TAS2R1: variants seen among roughly 807,000 people sequenced by gnomAD.
The protein encoded by TAS2R1 is taste 2 receptor member 1.
For synonymous variants in TAS2R1, 141 were observed against 134.2 expected, an observed-to-expected ratio of 1.05 and a Z score of -0.35; for missense variants, 370 against 353.4, an observed-to-expected ratio of 1.05 and a Z score of -0.38.
chr5:9,853,294 G>A, the TAS2R1 span, among the ~76,000 whole-genome samples: 1 of 152,228 alleles, frequency 6.6e-6, no homozygotes, highest in African/African-American at 2.4e-5. Flanking sequence ...GCAGAGCAGG[G>A]CTACCCTACA....
chr5:9,766,153 A>C, the TAS2R1 span, among the ~76,000 whole-genome samples: 4,580 of 152,356 alleles, frequency 0.03, 71 homozygotes, highest in African/African-American at 0.033. Context: ...ATCATCATCC[A>C]TGCAGAAAAG....
chr5:9,735,035 T>C, the TAS2R1 span, among the ~76,000 whole-genome samples: 4,114 of 151,394 alleles, frequency 0.027, 377 homozygotes, highest in African/African-American at 0.094. Context: ...TCAGGAAACT[T>C]ACAGTCGTGG....
chr5:9,713,815 T>C (rs965828234), upstream of TAS2R1: 2 of 152,180 alleles, frequency 1.3e-5, no homozygotes, highest in Admixed American at 6.5e-5. Context: ...TATGGCTAAA[T>C]GTCTGTTTCA....
chr5:9,868,410 G>A, the TAS2R1 span, among the ~76,000 whole-genome samples: 1 of 152,308 alleles, frequency 6.6e-6, no homozygotes, highest in East Asian at 1.9e-4. Flanking sequence ...GTTAAGGCTT[G>A]GGTCTGGAAC....
the TAS2R1 span, among the ~76,000 whole-genome samples, chr5:9,791,815 A>G: frequency 6.6e-6 from 1 of 152,216 alleles, no homozygotes; most frequent in Admixed American, 6.5e-5. Context: ...TCTGTTGTAC[A>G]GCCTGGGTGT....
At chr5:9,711,517 G>A (rs940468480) in intron 1 of TAS2R1, among the ~76,000 whole-genome samples, 4 of 152,158 alleles carry the variant, frequency 2.6e-5, no homozygotes, top group Middle Eastern at 3.2e-3. Context: ...GGTGGGAGGT[G>A]GAAACGGGGA....
At chr5:9,758,724 AG>A in the TAS2R1 span, among the ~76,000 whole-genome samples, 1 of 152,214 alleles carries the variant, frequency 6.6e-6, no homozygotes, top group Admixed American at 6.5e-5. Context: ...AAACTTCTAC[AG>A]CCACTTGGAA....
At chr5:9,726,130 A>T in the TAS2R1 span, among the ~76,000 whole-genome samples, 3 of 151,416 alleles carry the variant, frequency 2.0e-5, no homozygotes, top group Non-Finnish European at 4.4e-5. Flanking sequence ...AAATACACCA[A>T]TTGGCACTCT....
chr5:9,731,541 T>C, the TAS2R1 span, among the ~76,000 whole-genome samples: 1 of 152,166 alleles, frequency 6.6e-6, no homozygotes, highest in African/African-American at 2.4e-5. Context: ...CCTCCAACAT[T>C]CTACTCTCCC....
At chr5:9,705,096 G>A (rs1208465799) in intron 1 of TAS2R1, among the ~76,000 whole-genome samples, 2 of 152,114 alleles carry the variant, frequency 1.3e-5, no homozygotes, top group Admixed American at 6.5e-5. Context: ...AAATGTATAC[G>A]TGGTCTTAGG....
chr5:9,799,991 A>G, the TAS2R1 span, among the ~76,000 whole-genome samples: 9 of 152,260 alleles, frequency 5.9e-5, no homozygotes, highest in African/African-American at 1.9e-4. Context: ...AGATTTAGCA[A>G]TGTGGAAAAA....
At chr5:9,901,357 G>A in the TAS2R1 span, among the ~76,000 whole-genome samples, 1 of 152,102 alleles carries the variant, frequency 6.6e-6, no homozygotes, top group Admixed American at 6.6e-5. Context: ...GAACCTGTTT[G>A]GGCTGAGAGA....
At chr5:9,711,139 G>A (rs529216290) in intron 1 of TAS2R1, among the ~76,000 whole-genome samples, 10 of 151,790 alleles carry the variant, frequency 6.6e-5, no homozygotes, top group Admixed American at 2.0e-4. Flanking sequence ...ATGACCAAGC[G>A]GAATCCAGCA....
chr5:9,845,991 A>G, the TAS2R1 span, among the ~76,000 whole-genome samples: 1 of 152,246 alleles, frequency 6.6e-6, no homozygotes, highest in African/African-American at 2.4e-5. Context: ...TTATTCATAT[A>G]TTAGCATGAG....
At chr5:9,651,095 TAA>T (rs1255171598) in intron 2 of TAS2R1, among the ~76,000 whole-genome samples, 2 of 152,096 alleles carry the variant, frequency 1.3e-5, no homozygotes, top group Non-Finnish European at 2.9e-5. Flanking sequence ...ACTCAGAGTA[TAA>T]AAAGTTTCAA....
the TAS2R1 span, among the ~76,000 whole-genome samples, chr5:9,855,029 T>C: frequency 6.6e-6 from 1 of 152,366 alleles, no homozygotes; most frequent in African/African-American, 2.4e-5. Flanking sequence ...ATTTGGGTTC[T>C]AGTACCAGAA....
At chr5:9,837,384 T>C in the TAS2R1 span, among the ~76,000 whole-genome samples, 1 of 152,166 alleles carries the variant, frequency 6.6e-6, no homozygotes, top group Admixed American at 6.5e-5. Flanking sequence ...ATATTTACCA[T>C]GGGGACAGCA....
At chr5:9,712,930 C>G (rs923791047), upstream of TAS2R1, 1 of 152,126 alleles carries the variant, frequency 6.6e-6, no homozygotes, top group African/African-American at 2.4e-5. Context: ...TCCCACCTTC[C>G]TCACACCACC....
the TAS2R1 span, among the ~76,000 whole-genome samples, chr5:9,760,024 A>G: frequency 6.6e-6 from 1 of 152,254 alleles, no homozygotes; most frequent in Admixed American, 6.5e-5. Context: ...AAGAGGGGTC[A>G]TAACTACCAG....
Sources: gnomAD v4.1 joint callset for allele counts (sites outside exome capture counted in the v4.1 genomes callset) on GRCh38, gnomAD v4.1.1 for gene constraint, MANE v1.5 for transcripts, NCBI Gene and HGNC (gene_info 2026-07-23, HGNC 2026-07-21) for gene names.